Variants in RPTOR observed in about 807,000 individuals in gnomAD.
The protein encoded by RPTOR is regulatory-associated protein of mTOR.
Under a neutral mutation model 169.9 loss-of-function variants are expected in RPTOR, and 21 were observed. That is an observed-to-expected ratio of 0.12 (90% CI 0.09 to 0.18). The LOEUF is 0.18. Among genes scored for constraint, RPTOR ranks in the 10% least tolerant of loss-of-function variants. The pLI, the probability that RPTOR is intolerant of heterozygous loss-of-function variation, is 1.00. For missense variants in RPTOR, 1,133 were observed against 1,855.9 expected (o/e 0.61, Z 7.16); for synonymous variants, 732 against 753.2 (o/e 0.97, Z 0.46).
In RPTOR at chr17:80,687,170, C is replaced by T. The variant is rs368054319; in HGVS notation, c.349-20671C>T. 2.6e-4 allele frequency among the ~76,000 whole-genome samples: 40 copies of T among 152,348 alleles called. 1 individual carries two copies. In the East Asian group the frequency reaches 4.6e-3, roughly 18 times the overall value. On this transcript the variant is annotated intron_variant, in intron 3 of 33. Transcript: ENST00000306801. ...CTGCAGGCCTCTGGCGCATTCTCTG[C>T]CGAGAGTTCTGTCCGTCCCACTTCT...
rs201988947 is a variant in RPTOR at position 80,892,885 on chromosome 17, T to C, written c.2242+16T>C. On this transcript the variant is annotated intron_variant, in intron 19 of 33. Transcript: ENST00000306801. ...ACAGAGGAATGTAAGATCCTGGAAA[T>C]CGGGTTATTGGATTGGGAGAGATTG... 1.1e-5 allele frequency: 18 copies of C among 1,612,338 alleles called. No individual in the cohort carries two copies. The African/African-American group carries it at 2.4e-4, about 22-fold the overall frequency.
intron 3 of RPTOR, among the ~76,000 whole-genome samples, chr17:80,654,142 A>G (rs772899847): frequency 2.0e-5 from 3 of 152,242 alleles, no homozygotes; most frequent in Non-Finnish European, 2.9e-5. Context: ...CACTTGATCC[A>G]GTGCCGGGTG....
intron 3 of RPTOR, among the ~76,000 whole-genome samples, chr17:80,644,310 T>A: frequency 6.7e-6 from 1 of 149,788 alleles, no homozygotes; most frequent in Non-Finnish European, 1.5e-5. Flanking sequence ...TGTGTGGGTT[T>A]TTTTTTTTTT....
intron 21 of RPTOR, among the ~76,000 whole-genome samples, chr17:80,921,138 T>C (rs4969306): frequency 0.31 from 47,345 of 152,198 alleles, 7,565 homozygotes; most frequent in Middle Eastern, 0.37. Flanking sequence ...GTTGGCTGAA[T>C]TGCAGGTTCA....
chr17:80,789,498 C>T lies in RPTOR; in HGVS notation c.831-1952C>T, dbSNP rs148239811. The stretch of plus-strand genomic sequence containing the variant: ...ATCTCTACTCTGCGTTTTCAACCTT[C>T]CTGCTGTCCTCCACGGGGATCCTGG... On this transcript the variant is annotated intron_variant, in intron 6 of 33. Transcript: ENST00000306801. Among the ~76,000 whole-genome samples, 541 of 152,328 alleles carry T rather than the reference C, an allele frequency of 3.6e-3. 4 individuals carry two copies. Among genetic ancestry groups the T allele is most frequent in the South Asian group, 8.3e-3 (40 of 4,824 alleles).
intron 1 of RPTOR, among the ~76,000 whole-genome samples, chr17:80,553,455 A>G (rs2084369406): frequency 6.6e-6 from 1 of 152,234 alleles, no homozygotes; most frequent in South Asian, 2.1e-4. Context: ...TGAACCTTCA[A>G]GTGAAAATTG....
At chr17:80,685,625 A>ATT (rs1567856556) in intron 3 of RPTOR, among the ~76,000 whole-genome samples, 20 of 35,312 alleles carry the variant, frequency 5.7e-4, no homozygotes, top group East Asian at 1.1e-3. Flanking sequence ...ATATATATAT[A>ATT]TATTTTTTTT....
chr17:80,577,464 A>T (rs963135596), intron 1 of RPTOR, among the ~76,000 whole-genome samples: 1 of 151,872 alleles, frequency 6.6e-6, no homozygotes, highest in Non-Finnish European at 1.5e-5. Flanking sequence ...TTTTTTATAG[A>T]GCTAGGGTCT....
At chr17:80,715,366 C>G (rs907803163) in intron 4 of RPTOR, among the ~76,000 whole-genome samples, 2 of 151,936 alleles carry the variant, frequency 1.3e-5, no homozygotes, top group African/African-American at 4.8e-5. Context: ...TACAACTTAC[C>G]AAAACTGACC....
At chr17:80,618,037 G>A (rs765458921) in intron 1 of RPTOR, among the ~76,000 whole-genome samples, 1 of 151,518 alleles carries the variant, frequency 6.6e-6, no homozygotes, top group Non-Finnish European at 1.5e-5. Context: ...GTGGAGTGCA[G>A]TGGTGTGATC....
At chr17:80,773,079 C>T (rs928021981) in intron 6 of RPTOR, among the ~76,000 whole-genome samples, 2 of 152,242 alleles carry the variant, frequency 1.3e-5, no homozygotes, top group Non-Finnish European at 1.5e-5. Flanking sequence ...TGCGCTGGCA[C>T]TGGGCTATTG....
intron 9 of RPTOR, among the ~76,000 whole-genome samples, chr17:80,836,502 C>T (rs1286420050): frequency 2.6e-5 from 4 of 152,136 alleles, no homozygotes; most frequent in Non-Finnish European, 5.9e-5. Flanking sequence ...ATGATCATGT[C>T]TCCCTCACAG....
chr17:80,962,812 C>A, intron 32 of RPTOR, 116 bp from the exon 33 acceptor site: 1 of 1,524,024 alleles, frequency 6.6e-7, no homozygotes, highest in East Asian at 2.4e-5. Flanking sequence ...ACACCTGCCC[C>A]GAGCCAGCCT....
Position 80,659,769 on chromosome 17 carries a change from C to T in RPTOR, c.348+15959C>T, listed in dbSNP as rs558049485. Among the ~76,000 whole-genome samples the T allele has an allele frequency of 6.6e-6, 1 of 152,126 alleles. No homozygotes were observed. Among genetic ancestry groups the T allele is most frequent in the African/African-American group, 2.4e-5 (1 of 41,436 alleles). ...ATCCGCCCCTTGGTCTCCCAAAGTG[C>T]TGAGATACAGGCGTGAGCCACTGCG... On this transcript the variant is annotated intron_variant, in intron 3 of 33. Transcript: ENST00000306801. This position sits in a 1 kb window ranked among gnomAD's most constrained non-coding sequence, Gnocchi z 4.3.
chr17:80,727,828 A>T (rs1213694214), intron 4 of RPTOR, among the ~76,000 whole-genome samples: 2 of 152,224 alleles, frequency 1.3e-5, no homozygotes, highest in African/African-American at 4.8e-5. Context: ...GGATATCTAG[A>T]AGTAGTCAGA....
At chr17:80,906,149 C>T in intron 20 of RPTOR, among the ~76,000 whole-genome samples, 1 of 152,042 alleles carries the variant, frequency 6.6e-6, no homozygotes, top group East Asian at 1.9e-4. Flanking sequence ...CGCATCTCCT[C>T]CTCACCAGGG....
At chr17:80,923,994 A>G in intron 23 of RPTOR, 1 of 386,366 alleles carries the variant, frequency 2.6e-6, no homozygotes, top group East Asian at 4.4e-5. Flanking sequence ...GCTTCCATGT[A>G]ACGAAACAGG....
rs1265395773 is a variant in RPTOR at position 80,947,121 on chromosome 17, T to C, written c.3141-106T>C. 23 of 1,119,662 alleles carry C rather than the reference T, an allele frequency of 2.1e-5. 1 individual carries two copies. The East Asian group carries it at 3.3e-4, about 16-fold the overall frequency. The allele number at this position is 1,119,662 out of a possible 1,614,324, so 69.4% of individuals were successfully genotyped here. ...TGTGAGCCGCCGTGCCCGGCTGTGGTGTGTGGTTTTTTGATAGCAGCCCGG... is the reference window on the plus strand; with the variant it reads ...TGTGAGCCGCCGTGCCCGGCTGTGGCGTGTGGTTTTTTGATAGCAGCCCGG... On this transcript the variant is annotated intron_variant, in intron 26 of 33. Transcript: ENST00000306801. This position sits in a 1 kb window ranked among gnomAD's most constrained non-coding sequence, Gnocchi z 4.4.
intron 6 of RPTOR, among the ~76,000 whole-genome samples, chr17:80,770,517 A>G (rs1008853625): frequency 6.6e-6 from 1 of 152,198 alleles, no homozygotes; most frequent in African/African-American, 2.4e-5. Flanking sequence ...GGTGAGGCTT[A>G]GAACTGGGCA....
Sources: allele counts gnomAD v4.1 joint callset (sites outside exome capture counted in the v4.1 genomes callset), GRCh38; gene constraint gnomAD v4.1.1; non-coding constraint Gnocchi (gnomAD v3.1); transcripts MANE v1.5; gene names NCBI Gene and HGNC (gene_info 2026-07-23, HGNC 2026-07-21).